CRYBA4: variants seen among roughly 807,000 people sequenced by gnomAD.
CRYBA4 encodes the protein crystallin beta A4, also known as beta-crystallin A4.
In CRYBA4, 30 loss-of-function variants were observed where a neutral mutation model predicts 31.7. The observed-to-expected ratio is 0.95, with a 90% CI of 0.71 to 1.28. CRYBA4 has a LOEUF of 1.28. Ranked by LOEUF, CRYBA4 falls within the 50% of genes most tolerant of loss-of-function variation. The pLI is 0.00. For synonymous variants in CRYBA4, 102 were observed against 102.3 expected (o/e 1.00, Z 0.02); for missense variants, 225 against 260.7 (o/e 0.86, Z 0.94).
chr22:26,592,667 C>G, the CRYBA4 span, among the ~76,000 whole-genome samples: 1 of 152,064 alleles, frequency 6.6e-6, no homozygotes, highest in Non-Finnish European at 1.5e-5. Context: ...GGGAAGGAGT[C>G]GGGGCTTTTC....
intron 3 of CRYBA4, 37 bp from the exon 4 acceptor site, chr22:26,625,437 GAGGGGGA>G: frequency 6.2e-7 from 1 of 1,608,984 alleles, no homozygotes; most frequent in South Asian, 1.1e-5. Flanking sequence ...AATGCAGGGT[GAGGGGGA>G]CGCTTACCTC....
At chr22:26,625,035 C>T (rs750353630) in intron 3 of CRYBA4, among the ~76,000 whole-genome samples, 14 of 152,222 alleles carry the variant, frequency 9.2e-5, no homozygotes, top group African/African-American at 1.4e-4. Context: ...GGCAGGATCA[C>T]GGGGAATTCC....
the CRYBA4 span, chr22:26,599,442 T>C: frequency 2.4e-5 from 37 of 1,553,036 alleles, no homozygotes; most frequent in Non-Finnish European, 3.0e-5. Context: ...GGGGAAATAA[T>C]TGAACATGAA....
At chr22:26,594,605 T>C in the CRYBA4 span, among the ~76,000 whole-genome samples, 1 of 152,142 alleles carries the variant, frequency 6.6e-6, no homozygotes, top group African/African-American at 2.4e-5. Context: ...GGGACACTCC[T>C]GCTTGAACCC....
At chr22:26,601,158 G>A in the CRYBA4 span, among the ~76,000 whole-genome samples, 1 of 152,202 alleles carries the variant, frequency 6.6e-6, no homozygotes, top group Non-Finnish European at 1.5e-5. Context: ...CTCAGAACAA[G>A]TCTGGGAATG....
intron 3 of CRYBA4, among the ~76,000 whole-genome samples, chr22:26,624,876 T>C (rs560578393): frequency 6.6e-6 from 1 of 152,142 alleles, no homozygotes; most frequent in Non-Finnish European, 1.5e-5. Flanking sequence ...CTGTCGCCTG[T>C]GGGGAGGCGA....
intron 4 of CRYBA4, among the ~76,000 whole-genome samples, chr22:26,627,608 TTC>T (rs1017985035): frequency 7.3e-6 from 1 of 137,490 alleles, no homozygotes; most frequent in Non-Finnish European, 1.6e-5. Flanking sequence ...TTCTTTCTCT[TTC>T]TCTCTCTCTC....
chr22:26,621,460 T>C (rs1214963839), upstream of CRYBA4, among the ~76,000 whole-genome samples: 1 of 152,084 alleles, frequency 6.6e-6, no homozygotes, highest in Non-Finnish European at 1.5e-5. Context: ...TTCAAATGCC[T>C]CCTCTAACGG....
At chr22:26,601,046 A>C in the CRYBA4 span, among the ~76,000 whole-genome samples, 1 of 152,218 alleles carries the variant, frequency 6.6e-6, no homozygotes, top group African/African-American at 2.4e-5. Context: ...GCTCACAGAC[A>C]AGGCTCCGTA....
At chr22:26,617,647 T>G (rs768583399), upstream of CRYBA4, among the ~76,000 whole-genome samples, 1 of 152,034 alleles carries the variant, frequency 6.6e-6, no homozygotes, top group Non-Finnish European at 1.5e-5. Context: ...TCTATCTGTT[T>G]CTTACTTCTC....
the CRYBA4 span, among the ~76,000 whole-genome samples, chr22:26,600,177 A>G: frequency 3.9e-5 from 6 of 152,144 alleles, no homozygotes; most frequent in Non-Finnish European, 7.4e-5. Flanking sequence ...TGAGGCGGGC[A>G]AATCACAAGG....
intron 4 of CRYBA4, among the ~76,000 whole-genome samples, chr22:26,627,394 T>TTC (rs1156308593): frequency 2.2e-5 from 2 of 89,796 alleles, no homozygotes; most frequent in South Asian, 9.5e-4. Flanking sequence ...CTTTCTTTCT[T>TTC]TCTTTCTTTC....
chr22:26,628,727 C>T (rs1929827633), intron 5 of CRYBA4, among the ~76,000 whole-genome samples: 1 of 152,192 alleles, frequency 6.6e-6, no homozygotes, highest in African/African-American at 2.4e-5. Flanking sequence ...CCCTGCCTGC[C>T]TCTGTGTGAC....
At chr22:26,605,286 G>A in the CRYBA4 span, among the ~76,000 whole-genome samples, 1 of 152,278 alleles carries the variant, frequency 6.6e-6, no homozygotes, top group African/African-American at 2.4e-5. Context: ...TTTGATAGCT[G>A]CCTCCCTGGG....
At chr22:26,602,988 G>T in the CRYBA4 span, among the ~76,000 whole-genome samples, 1 of 151,934 alleles carries the variant, frequency 6.6e-6, no homozygotes, top group Non-Finnish European at 1.5e-5. Flanking sequence ...AGCCGGGCGT[G>T]GTGGTGGGAG....
chr22:26,598,309 G>A, the CRYBA4 span, among the ~76,000 whole-genome samples: 2 of 152,096 alleles, frequency 1.3e-5, no homozygotes, highest in South Asian at 2.1e-4. Context: ...TTATTTATAC[G>A]ACTGCCTGCT....
At chr22:26,617,561 G>A (rs1929396688), upstream of CRYBA4, among the ~76,000 whole-genome samples, 2 of 151,968 alleles carry the variant, frequency 1.3e-5, no homozygotes, top group African/African-American at 4.8e-5. Context: ...ATGCCTTCCT[G>A]GAGATATTCT....
intron 4 of CRYBA4, among the ~76,000 whole-genome samples, chr22:26,627,584 CTTTT>C (rs1929788304): frequency 8.2e-6 from 1 of 121,858 alleles, no homozygotes; most frequent in Non-Finnish European, 1.8e-5. Context: ...CTTTTTCTTT[CTTTT>C]TCTCTTTCTT....
At chr22:26,615,206 C>T in the CRYBA4 span, among the ~76,000 whole-genome samples, 1 of 152,200 alleles carries the variant, frequency 6.6e-6, no homozygotes, top group Non-Finnish European at 1.5e-5. Context: ...GAGGTTGAAA[C>T]CACACCAAAC....
Sources: allele counts gnomAD v4.1 joint callset (sites outside exome capture counted in the v4.1 genomes callset), GRCh38; gene constraint gnomAD v4.1.1; transcripts MANE v1.5; gene names NCBI Gene and HGNC (gene_info 2026-07-23, HGNC 2026-07-21).